Variants in PAK5 observed in about 807,000 individuals in gnomAD.
The protein encoded by PAK5 is serine/threonine-protein kinase PAK 5.
In PAK5, 16 loss-of-function variants were observed where a neutral mutation model predicts 65.9. The observed-to-expected ratio is 0.24, with a 90% confidence interval of 0.16 to 0.37. The LOEUF (loss-of-function observed/expected upper bound fraction) is 0.37. Ranked by LOEUF, PAK5 falls within the 10% of genes least tolerant of loss-of-function variation. The probability of loss-of-function intolerance (pLI) is 1.00; values close to 1 mark genes in which losing one functional copy is unlikely to be tolerated. For missense variants in PAK5, 785 were observed against 903.9 expected, an observed-to-expected ratio of 0.87 and a Z score of 1.69; for synonymous variants, 371 against 354.9, an observed-to-expected ratio of 1.05 and a Z score of -0.51.
chr20:9,775,977 A>G (rs1299550662), intron 1 of PAK5, among the ~76,000 whole-genome samples: 2 of 152,238 alleles, frequency 1.3e-5, no homozygotes, highest in African/African-American at 4.8e-5. Flanking sequence ...TGAGAAAGTT[A>G]AATAGAAAAT....
At chr20:9,622,380 A>G (rs867611993) in intron 3 of PAK5, among the ~76,000 whole-genome samples, 24 of 152,324 alleles carry the variant, frequency 1.6e-4, no homozygotes, top group Middle Eastern at 3.4e-3. Context: ...CCAGAGCTCC[A>G]TATCTCCATG....
intron 3 of PAK5, among the ~76,000 whole-genome samples, chr20:9,639,620 C>T (rs1230574457): frequency 6.6e-6 from 1 of 152,230 alleles, no homozygotes; most frequent in Non-Finnish European, 1.5e-5. Context: ...TTCCAGTCAT[C>T]ACCCAGTTAA....
chr20:9,632,050 C>A (rs1243788233), intron 3 of PAK5, among the ~76,000 whole-genome samples: 2 of 152,158 alleles, frequency 1.3e-5, no homozygotes, highest in Non-Finnish European at 2.9e-5. Context: ...AAGTTCCAAG[C>A]ATGAGTGGGA....
intron 3 of PAK5, among the ~76,000 whole-genome samples, chr20:9,594,171 C>T (rs1218109580): frequency 4.6e-5 from 7 of 152,212 alleles, no homozygotes; most frequent in Non-Finnish European, 7.3e-5. Flanking sequence ...TAGAACTTCT[C>T]CTCCTGCCAC....
intron 2 of PAK5, among the ~76,000 whole-genome samples, chr20:9,658,150 T>C (rs1281670380): frequency 6.6e-6 from 1 of 152,168 alleles, no homozygotes; most frequent in Non-Finnish European, 1.5e-5. Context: ...GAATTATGAG[T>C]AGATTAGTTG....
At chr20:9,576,116 A>G (rs923172762) in intron 4 of PAK5, among the ~76,000 whole-genome samples, 2 of 151,956 alleles carry the variant, frequency 1.3e-5, no homozygotes, top group Non-Finnish European at 2.9e-5. Context: ...CATATTAGTA[A>G]TTAAGCTGCT....
At chr20:9,792,157 A>G (rs2049056588) in intron 1 of PAK5, among the ~76,000 whole-genome samples, 2 of 152,216 alleles carry the variant, frequency 1.3e-5, no homozygotes, top group African/African-American at 4.8e-5. Flanking sequence ...AAATAAATAA[A>G]TGAGCTAACA....
intron 1 of PAK5, among the ~76,000 whole-genome samples, chr20:9,771,519 C>A (rs2048833130): frequency 6.6e-6 from 1 of 151,766 alleles, no homozygotes; most frequent in African/African-American, 2.4e-5. Flanking sequence ...AGGGACCCTC[C>A]CACTCAGCCT....
At chr20:9,553,066 T>G (rs2045453650) in intron 7 of PAK5, among the ~76,000 whole-genome samples, 1 of 152,132 alleles carries the variant, frequency 6.6e-6, no homozygotes, top group South Asian at 2.1e-4. Context: ...CCACAGGAAG[T>G]TGCAACGTGC....
intron 1 of PAK5, among the ~76,000 whole-genome samples, chr20:9,805,989 G>A (rs1002591459): frequency 3.3e-5 from 5 of 152,102 alleles, no homozygotes; most frequent in Admixed American, 2.0e-4. Context: ...TTTTGAGACA[G>A]GGTTTCACTC....
chr20:9,799,047 C>T (rs915799462), intron 1 of PAK5, among the ~76,000 whole-genome samples: 1 of 152,106 alleles, frequency 6.6e-6, no homozygotes, highest in Non-Finnish European at 1.5e-5. Context: ...TTTGCAAGAC[C>T]ATGATTATAC....
intron 1 of PAK5, among the ~76,000 whole-genome samples, chr20:9,829,365 G>A (rs1037904791): frequency 6.6e-6 from 1 of 152,118 alleles, no homozygotes; most frequent in Non-Finnish European, 1.5e-5. Flanking sequence ...CTTATCCATT[G>A]AATTGTTGTA....
chr20:9,737,022 C>A (rs2048397246), intron 1 of PAK5, among the ~76,000 whole-genome samples: 1 of 151,654 alleles, frequency 6.6e-6, no homozygotes, highest in Non-Finnish European at 1.5e-5. Flanking sequence ...GAAAAAAAAC[C>A]CATCAATCTA....
At chr20:9,722,833 C>G (rs1443938323) in intron 1 of PAK5, among the ~76,000 whole-genome samples, 2 of 151,564 alleles carry the variant, frequency 1.3e-5, no homozygotes, top group Non-Finnish European at 2.9e-5. Context: ...ACCTCCCAGG[C>G]CCAACTGATT....
intron 2 of PAK5, among the ~76,000 whole-genome samples, chr20:9,691,085 C>T (rs889862034): frequency 2.0e-5 from 3 of 152,178 alleles, no homozygotes; most frequent in Non-Finnish European, 2.9e-5. Flanking sequence ...TCCCCACACA[C>T]AGGCTCAGCA....
rs781698677 is a variant in PAK5, at chr20:9,566,318, C to G, written c.1057G>C (p.Gly353Arg). The change falls in exon 5 of 10, where the codon GGC becomes CGC. Residue 353 changes from glycine (G) to arginine (R), a missense_variant. By Grantham distance (125) the Gly-to-Arg change is moderately radical. Coordinates refer to ENST00000353224, the MANE Select transcript of PAK5 (RefSeq NM_177990.4). ...TGACTTTGAGGTAGTTTGGCAGGGC[C>G]CCTGGGGTAGGTGTCAGACCCTGAC... ...PLSGSDTYPR[G>R]PAKLPQSQSK... 61 of 1,613,516 alleles carry G rather than the reference C, an allele frequency of 3.8e-5. No homozygotes were observed. Among genetic ancestry groups the G allele is most frequent in the Admixed American group, 5.0e-5 (3 of 59,986 alleles).
intron 1 of PAK5, among the ~76,000 whole-genome samples, chr20:9,759,331 T>A (rs980129): frequency 0.54 from 81,617 of 152,028 alleles, 22,514 homozygotes; most frequent in African/African-American, 0.64. Context: ...TATCATATCC[T>A]ATAGATAAGT....
chr20:9,560,654 G>C (rs1326987435), intron 6 of PAK5, among the ~76,000 whole-genome samples: 1 of 152,170 alleles, frequency 6.6e-6, no homozygotes, highest in African/African-American at 2.4e-5. Context: ...AAGCCACCAT[G>C]CCTGGCCAAT....
intron 3 of PAK5, among the ~76,000 whole-genome samples, chr20:9,594,924 C>A (rs969279090): frequency 6.6e-6 from 1 of 152,080 alleles, no homozygotes; most frequent in Non-Finnish European, 1.5e-5. Flanking sequence ...ATTTTAAAAT[C>A]AGTCCATTCC....
Sources: gnomAD v4.1 joint callset for allele counts (sites outside exome capture counted in the v4.1 genomes callset) on GRCh38, gnomAD v4.1.1 for gene constraint, MANE v1.5 for transcripts, NCBI Gene and HGNC (gene_info 2026-07-23, HGNC 2026-07-21) for gene names.